The following PCDHGA12 variants were observed in gnomAD, a reference collection of about 807,000 sequenced individuals.
PCDHGA12 encodes protocadherin gamma-A12.
Under a neutral mutation model 61.1 loss-of-function variants are expected in PCDHGA12, and 43 were observed. That is an observed-to-expected ratio of 0.70 (90% CI 0.55 to 0.91). The LOEUF is 0.91. Among genes scored for constraint, PCDHGA12 ranks in the 40% least tolerant of loss-of-function variants. The probability of loss-of-function intolerance (pLI) is 0.00; values close to 1 mark genes in which losing one functional copy is unlikely to be tolerated. For missense variants in PCDHGA12, 1,236 were observed against 1,227.7 expected (o/e 1.01, Z -0.10); for synonymous variants, 520 against 542.9 (o/e 0.96, Z 0.59).
rs150692324 is a variant in PCDHGA12 at position 141,431,149 on chromosome 5, G to T, written c.390G>T (p.Ala130=). 1.2e-6 allele frequency: 2 copies of T among 1,614,210 alleles called. No homozygotes were observed. Among genetic ancestry groups the T allele is most frequent in the Non-Finnish European group, 1.7e-6 (2 of 1,180,020 alleles). ...EVEVRDINDN[A]PYFRESELEI... ...AAGTAAGGGACATTAACGACAATGC[G>T]CCTTACTTTCGTGAAAGTGAATTAG... Residue 130 remains alanine (A), a synonymous_variant, in exon 1 of 4, where the codon GCG becomes GCT. Coordinates refer to ENST00000252085, the MANE Select transcript of PCDHGA12 (RefSeq NM_003735.3). This position sits in a 1 kb window ranked among gnomAD's most constrained non-coding sequence, Gnocchi z 4.8.
chr5:141,478,685 A>G, intron 1 of PCDHGA12: 3 of 1,551,308 alleles, frequency 1.9e-6, no homozygotes, highest in Non-Finnish European at 2.6e-6. Context: ...GGCCCTTCCT[A>G]GATCAAAGTT....
At chr5:141,449,261 G>A (rs148515123) in intron 1 of PCDHGA12, among the ~76,000 whole-genome samples, 101 of 152,156 alleles carry the variant, frequency 6.6e-4, no homozygotes, top group Non-Finnish European at 1.3e-3. Flanking sequence ...ATTGTACAAA[G>A]AACTGTATCT....
intron 1 of PCDHGA12, among the ~76,000 whole-genome samples, chr5:141,467,954 C>T (rs1467826790): frequency 1.3e-5 from 2 of 152,070 alleles, no homozygotes; most frequent in Admixed American, 6.6e-5. Flanking sequence ...CCACCACACC[C>T]GGCTGCCAGA....
In PCDHGA12 at chr5:141,447,883, C is replaced by T. The variant is rs184337553; in HGVS notation, c.2424+14700C>T. Among the ~76,000 whole-genome samples the T allele has an allele frequency of 3.9e-3, 599 of 152,000 alleles. 3 individuals are homozygous for T. The highest frequency in any genetic ancestry group is 0.014 in the African/African-American group (563 of 41,452). ...GGTGAATCATCTGAGGTCAGGAGTT[C>T]GAGACCAGCCTGGCCAACATGGTGA... On this transcript the variant is annotated intron_variant, in intron 1 of 3. Coordinates refer to ENST00000252085, the MANE Select transcript of PCDHGA12 (RefSeq NM_003735.3).
At chr5:141,461,388 A>T (rs1025976806) in intron 1 of PCDHGA12, among the ~76,000 whole-genome samples, 5 of 152,164 alleles carry the variant, frequency 3.3e-5, no homozygotes, top group Admixed American at 6.5e-5. Context: ...CCTGATGATT[A>T]GCGATGTTGA....
At chr5:141,496,662 T>A (rs557106775) in intron 2 of PCDHGA12, among the ~76,000 whole-genome samples, 1 of 152,344 alleles carries the variant, frequency 6.6e-6, no homozygotes, top group African/African-American at 2.4e-5. Flanking sequence ...TGACCCCAGC[T>A]GTTGTCCTTC....
In PCDHGA12 at chr5:141,432,296, G is replaced by T; in HGVS notation, c.1537G>T (p.Val513Leu). The change falls in exon 1 of 4, where the codon GTA (valine) becomes TTA (leucine). Residue 513 changes from valine to leucine, a missense_variant. Coordinates refer to ENST00000252085, the MANE Select transcript of PCDHGA12 (RefSeq NM_003735.3). This position sits in a 1 kb window ranked among gnomAD's most constrained non-coding sequence, Gnocchi z 6.0. ...CGTGTCCATCAACTCCGACACTGGG[G>T]TACTGTATGCGCTGAGCTCCTTCGA... ...SYVSINSDTG[V>L]LYALSSFDYE... 1 of 1,614,224 alleles carries T rather than the reference G, an allele frequency of 6.2e-7. No individual in the cohort carries two copies. Among genetic ancestry groups the T allele is most frequent in the Non-Finnish European group, 8.5e-7 (1 of 1,180,044 alleles).
chr5:141,459,311 T>A (rs1298312167), intron 1 of PCDHGA12, among the ~76,000 whole-genome samples: 1 of 152,250 alleles, frequency 6.6e-6, no homozygotes, highest in Non-Finnish European at 1.5e-5. Flanking sequence ...TATACTATTT[T>A]GTATCCATCT....
At chr5:141,453,201 C>A (rs115660512) in intron 1 of PCDHGA12, among the ~76,000 whole-genome samples, 1 of 152,206 alleles carries the variant, frequency 6.6e-6, no homozygotes, top group South Asian at 2.1e-4. Flanking sequence ...GCAGCCTCAA[C>A]CTCGTGCACT....
chr5:141,489,666 C>A lies in PCDHGA12; in HGVS notation c.2425-5141C>A. On this transcript the variant is annotated intron_variant, in intron 1 of 3. Transcript: ENST00000252085. The surrounding 1 kb of genome is among the most constrained non-coding windows in gnomAD (Gnocchi z 4.5). ...CCACCCCTGAGCGAGAGATGCGCAT[C>A]TCAGAATCAGCAGCATCTGGGGCAC... 1.2e-6 allele frequency: 2 copies of A among 1,614,222 alleles called. No homozygotes were observed. Among genetic ancestry groups the A allele is most frequent in the Non-Finnish European group, 1.7e-6 (2 of 1,180,036 alleles).
At chr5:141,494,183 G>A (rs971032835) in intron 1 of PCDHGA12, among the ~76,000 whole-genome samples, 2 of 152,146 alleles carry the variant, frequency 1.3e-5, no homozygotes, top group Non-Finnish European at 2.9e-5. Context: ...GAAGTGTCCC[G>A]GGACTTGGAT....
chr5:141,490,180 C>T lies in PCDHGA12; in HGVS notation c.2425-4627C>T, dbSNP rs747366205. On this transcript the variant is annotated intron_variant, in intron 1 of 3. Coordinates refer to ENST00000252085, the MANE Select transcript of PCDHGA12 (RefSeq NM_003735.3). This position sits in a 1 kb window ranked among gnomAD's most constrained non-coding sequence, Gnocchi z 5.4. ...GGGTCCCATAGACTTTGAGGAGTCACGTTTCTATGAAATTCATGCAAGAGC... is the reference window on the plus strand; with the variant it reads ...GGGTCCCATAGACTTTGAGGAGTCATGTTTCTATGAAATTCATGCAAGAGC... 3 of 1,614,208 alleles carry T rather than the reference C, an allele frequency of 1.9e-6. No individual in the cohort carries two copies. Among genetic ancestry groups the T allele is most frequent in the East Asian group, 2.2e-5 (1 of 44,882 alleles).
At chr5:141,446,642 A>T (rs939365233) in intron 1 of PCDHGA12, among the ~76,000 whole-genome samples, 2 of 151,970 alleles carry the variant, frequency 1.3e-5, no homozygotes, top group Admixed American at 1.3e-4. Flanking sequence ...ACGCCTGGCT[A>T]ATTTTTGTAT....
At chr5:141,470,302 C>A (rs996558051) in intron 1 of PCDHGA12, among the ~76,000 whole-genome samples, 5 of 152,188 alleles carry the variant, frequency 3.3e-5, no homozygotes, top group African/African-American at 1.2e-4. Context: ...GTTTTTATTC[C>A]ATTTTTCCTC....
intron 1 of PCDHGA12, among the ~76,000 whole-genome samples, chr5:141,458,821 C>T (rs1220034390): frequency 6.6e-6 from 1 of 152,146 alleles, no homozygotes; most frequent in Non-Finnish European, 1.5e-5. Flanking sequence ...CAACCTCTGC[C>T]TCCCAGGCTC....
Position 141,430,652 on chromosome 5 carries a change from A to G in PCDHGA12, c.-108A>G. ...ACCATCCCTGGGAGTATGTGGAAAC[A>G]ACGGAGGAGCTCTGACTTCCCAACT... On this transcript the variant is annotated 5_prime_UTR_variant, in exon 1 of 4. Coordinates refer to ENST00000252085, the MANE Select transcript of PCDHGA12 (RefSeq NM_003735.3). 1 of 1,069,464 alleles carries G rather than the reference A, an allele frequency of 9.4e-7. No homozygotes were observed. The allele number at this position is 1,069,464 out of a possible 1,614,324, so 66.2% of individuals were successfully genotyped here.
At chr5:141,500,360 T>C (rs1224064939) in intron 2 of PCDHGA12, among the ~76,000 whole-genome samples, 1 of 151,664 alleles carries the variant, frequency 6.6e-6, no homozygotes, top group Non-Finnish European at 1.5e-5. Context: ...AGGCGCCCAC[T>C]ACCACGCCCG....
intron 2 of PCDHGA12, among the ~76,000 whole-genome samples, chr5:141,503,950 C>T (rs1216385793): frequency 3.3e-5 from 5 of 152,180 alleles, no homozygotes; most frequent in Non-Finnish European, 7.3e-5. Flanking sequence ...CAAGGCCTAC[C>T]CTACAGCCTT....
chr5:141,438,619 TATATATATATATATATACAC>T (rs1310378007), intron 1 of PCDHGA12, among the ~76,000 whole-genome samples: 16 of 39,678 alleles, frequency 4.0e-4, no homozygotes, highest in African/African-American at 1.2e-3. Flanking sequence ...TATATATATA[TATATATATATATATATACAC>T]ACACACACAC....
Sources: allele counts gnomAD v4.1 joint callset (sites outside exome capture counted in the v4.1 genomes callset), GRCh38; gene constraint gnomAD v4.1.1; non-coding constraint Gnocchi (gnomAD v3.1); transcripts MANE v1.5; gene names NCBI Gene and HGNC (gene_info 2026-07-23, HGNC 2026-07-21).